Variants in KIAA1549L observed in about 807,000 individuals in gnomAD.
KIAA1549L encodes KIAA1549 like.
In KIAA1549L, 88 loss-of-function variants were observed where a neutral mutation model predicts 160.7. The ratio of observed to expected loss-of-function variants is 0.55; its 90% confidence interval spans 0.46 to 0.65. KIAA1549L has a LOEUF of 0.65. Ranked by LOEUF, KIAA1549L falls within the 30% of genes least tolerant of loss-of-function variation. KIAA1549L has a pLI of 0.00. For missense variants in KIAA1549L, 2,258 were observed against 2,437.5 expected (o/e 0.93, Z 1.55); for synonymous variants, 950 against 976.7 (o/e 0.97, Z 0.51).
intron 9 of KIAA1549L, among the ~76,000 whole-genome samples, chr11:33,574,046 A>G (rs903196095): frequency 3.3e-5 from 5 of 152,316 alleles, no homozygotes; most frequent in African/African-American, 1.2e-4. Flanking sequence ...CTAATAAGGA[A>G]AAGGGTTGTG....
At chr11:33,518,628 A>G (rs530679295) in intron 1 of KIAA1549L, among the ~76,000 whole-genome samples, 112 of 152,328 alleles carry the variant, frequency 7.4e-4, no homozygotes, top group African/African-American at 2.5e-3. Context: ...TTTTTAATTC[A>G]TAGAATAAAG....
chr11:33,658,674 C>T lies in KIAA1549L; in HGVS notation c.5859-76C>T, dbSNP rs192692869. ...GGCAGCTGTCCATGCCCAAAGGTGA[C>T]GGGGCGCACTCCTCCTGCTCGGGAC... On this transcript the variant is annotated intron_variant, in intron 18 of 20. Coordinates refer to ENST00000658780, the MANE Select transcript of KIAA1549L (RefSeq NM_012194.3). The T allele has an allele frequency of 6.8e-5, 99 of 1,455,244 alleles. No homozygotes were observed. The African/African-American group carries it at 7.4e-4, about 11-fold the overall frequency. The allele number at this position is 1,455,244 out of a possible 1,614,324, so 90.1% of individuals were successfully genotyped here.
intron 1 of KIAA1549L, among the ~76,000 whole-genome samples, chr11:33,475,300 A>G (rs1446393900): frequency 2.6e-5 from 4 of 152,146 alleles, no homozygotes; most frequent in Non-Finnish European, 5.9e-5. Flanking sequence ...CTAGAAAAGA[A>G]TTTGCAGTGG....
At chr11:33,571,643 A>G (rs1855260766) in intron 9 of KIAA1549L, among the ~76,000 whole-genome samples, 1 of 152,156 alleles carries the variant, frequency 6.6e-6, no homozygotes, top group Admixed American at 6.5e-5. Flanking sequence ...TTAAACAACC[A>G]GATCTCACAA....
Position 33,618,571 on chromosome 11 carries a change from C to G in KIAA1549L, c.5318C>G (p.Ser1773Cys), listed in dbSNP as rs755327302. 6.2e-7 allele frequency: 1 copy of G among 1,611,542 alleles called. No individual in the cohort carries two copies. Among genetic ancestry groups the G allele is most frequent in the Admixed American group, 1.7e-5 (1 of 59,806 alleles). The change falls in exon 16 of 21, where the codon TCT (serine) becomes TGT (cysteine). Residue 1773 changes from serine (S) to cysteine (C), a missense_variant. Physicochemically the swap from Ser to Cys is moderately radical, Grantham distance 112. This residue lies in a region of KIAA1549L where 1,359 missense variants were observed against 1,546.6 expected (regional missense o/e 0.88). Coordinates refer to ENST00000658780, the MANE Select transcript of KIAA1549L (RefSeq NM_012194.3). ...AACTCTGTCTACAGAAGCCGGCAGT[C>G]TCTGAACAGCCCGAGTCCAGGGGAA... is the stretch of plus-strand genomic sequence containing the variant. ...MKNSVYRSRQSLNSPSPGETE... is the reference protein window; with the variant it reads ...MKNSVYRSRQCLNSPSPGETE...
rs558038123 is a variant in KIAA1549L at position 33,567,961 on chromosome 11, A to G, written c.4079-115A>G. 4.6e-6 allele frequency: 5 copies of G among 1,080,572 alleles called. No homozygotes were observed. In the South Asian group the frequency reaches 5.7e-5, roughly 12 times the overall value. The allele number at this position is 1,080,572 out of a possible 1,614,324, so 66.9% of individuals were successfully genotyped here. A position where few individuals can be genotyped will look rare whatever the true frequency, so the allele number is the denominator to read the frequency against. ...GAGGTAAGGTTGGCCAAGCCCTAACATGAGGTAGGACACAGTGGCCCTTGG... is the reference window on the plus strand; with the variant it reads ...GAGGTAAGGTTGGCCAAGCCCTAACGTGAGGTAGGACACAGTGGCCCTTGG... On this transcript the variant is annotated intron_variant, in intron 8 of 20. Coordinates refer to ENST00000658780, the MANE Select transcript of KIAA1549L (RefSeq NM_012194.3).
At chr11:33,584,042 C>T (rs1855731733) in intron 11 of KIAA1549L, among the ~76,000 whole-genome samples, 1 of 152,140 alleles carries the variant, frequency 6.6e-6, no homozygotes, top group African/African-American at 2.4e-5. Flanking sequence ...GGTGAAACCT[C>T]CAGGAATGAG....
intron 1 of KIAA1549L, among the ~76,000 whole-genome samples, chr11:33,392,527 A>C (rs759949786): frequency 6.6e-6 from 1 of 152,204 alleles, no homozygotes; most frequent in Non-Finnish European, 1.5e-5. Flanking sequence ...GAGTTTTTAC[A>C]AATGTATACA....
At chr11:33,447,607 A>G (rs1369143979) in intron 1 of KIAA1549L, among the ~76,000 whole-genome samples, 2 of 134,366 alleles carry the variant, frequency 1.5e-5, no homozygotes, top group Non-Finnish European at 3.2e-5. Flanking sequence ...TTCATTGTAT[A>G]CATGCACATG....
intron 10 of KIAA1549L, among the ~76,000 whole-genome samples, chr11:33,576,072 G>C (rs946913158): frequency 1.2e-4 from 18 of 152,084 alleles, no homozygotes; most frequent in Admixed American, 9.2e-4. Flanking sequence ...TAAAGAGAGT[G>C]GGGGAAGGGG....
At chr11:33,378,319 G>T (rs1168288469) in intron 1 of KIAA1549L, among the ~76,000 whole-genome samples, 2 of 152,170 alleles carry the variant, frequency 1.3e-5, no homozygotes, top group Non-Finnish European at 2.9e-5. Context: ...TTCTTGTTCA[G>T]CCTGATGTTG....
At chr11:33,403,242 T>TGGACACACAC (rs1850542416) in intron 1 of KIAA1549L, 2 of 5,902 alleles carry the variant, frequency 3.4e-4, no homozygotes, top group African/African-American at 7.1e-4. Flanking sequence ...CAAACACACA[T>TGGACACACAC]ATGCAGACAC....
At chr11:33,565,989 C>G (rs1052006037) in intron 8 of KIAA1549L, among the ~76,000 whole-genome samples, 7 of 152,046 alleles carry the variant, frequency 4.6e-5, no homozygotes, top group African/African-American at 1.7e-4. Context: ...CCAGCCTGGG[C>G]AATAGAGGGA....
intron 17 of KIAA1549L, among the ~76,000 whole-genome samples, chr11:33,646,553 A>T (rs1034370749): frequency 6.6e-6 from 1 of 152,238 alleles, no homozygotes. Context: ...AACCTGGCAA[A>T]TAGAGCCAAG....
At chr11:33,446,681 A>C (rs1224097815) in intron 1 of KIAA1549L, among the ~76,000 whole-genome samples, 1 of 151,516 alleles carries the variant, frequency 6.6e-6, no homozygotes, top group African/African-American at 2.4e-5. Context: ...TTTTTTTTTA[A>C]ATTTAAGTTT....
At chr11:33,414,540 C>T (rs558812902) in intron 1 of KIAA1549L, among the ~76,000 whole-genome samples, 7 of 152,200 alleles carry the variant, frequency 4.6e-5, no homozygotes, top group East Asian at 3.9e-4. Flanking sequence ...CTGGATCAAA[C>T]GGAGTGCACA....
chr11:33,592,511 A>G (rs1389291565), intron 12 of KIAA1549L, among the ~76,000 whole-genome samples: 1 of 152,150 alleles, frequency 6.6e-6, no homozygotes, highest in Non-Finnish European at 1.5e-5. Flanking sequence ...GACTGAAAAA[A>G]CTACATCATC....
intron 1 of KIAA1549L, among the ~76,000 whole-genome samples, chr11:33,540,354 C>T (rs1023091638): frequency 1.3e-5 from 2 of 152,190 alleles, no homozygotes; most frequent in African/African-American, 4.8e-5. Flanking sequence ...ACAGATTTCA[C>T]CTGACATCCA....
intron 1 of KIAA1549L, among the ~76,000 whole-genome samples, chr11:33,526,806 A>G (rs1269679941): frequency 1.3e-5 from 2 of 152,202 alleles, no homozygotes; most frequent in Admixed American, 6.5e-5. Flanking sequence ...CCAATAAGAA[A>G]TCTCTGAATT....
Sources: allele counts gnomAD v4.1 joint callset (sites outside exome capture counted in the v4.1 genomes callset), GRCh38; gene constraint gnomAD v4.1.1; regional missense constraint gnomAD v4.1.1; transcripts MANE v1.5; gene names NCBI Gene and HGNC (gene_info 2026-07-23, HGNC 2026-07-21).